The following BIRC5 variants were observed in gnomAD, a reference collection of about 807,000 sequenced individuals.
BIRC5 encodes the protein baculoviral IAP repeat-containing protein 5.
A neutral mutation model predicts 15.8 loss-of-function variants in BIRC5; 8 were observed. That is an observed-to-expected ratio of 0.51 (90% CI 0.30 to 0.91). BIRC5 has a LOEUF of 0.91. Among genes scored for constraint, BIRC5 ranks in the 40% least tolerant of loss-of-function variants. The pLI, the probability that BIRC5 is intolerant of heterozygous loss-of-function variation, is 0.07. For missense variants in BIRC5, 163 were observed against 178.6 expected, an observed-to-expected ratio of 0.91 and a Z score of 0.50; for synonymous variants, 56 against 64.5, an observed-to-expected ratio of 0.87 and a Z score of 0.63.
chr17:78,219,581 T>C (rs2076502152), intron 3 of BIRC5, among the ~76,000 whole-genome samples: 1 of 152,160 alleles, frequency 6.6e-6, no homozygotes, highest in Non-Finnish European at 1.5e-5. Context: ...GCTTGTCACC[T>C]GGTTGAGGTT....
intron 3 of BIRC5, among the ~76,000 whole-genome samples, chr17:78,221,625 G>A (rs905197017): frequency 1.3e-5 from 2 of 152,208 alleles, no homozygotes; most frequent in Middle Eastern, 3.4e-3. Context: ...GTGAGCCACC[G>A]CACCCGGCCT....
intron 2 of BIRC5, chr17:78,215,948 T>C (rs775156039): frequency 2.7e-5 from 29 of 1,066,146 alleles, no homozygotes; most frequent in African/African-American, 3.4e-5. Flanking sequence ...TGCCCTTCTC[T>C]GCCCTTAATC....
intron 3 of BIRC5, among the ~76,000 whole-genome samples, chr17:78,219,822 G>A (rs1468521907): frequency 6.6e-6 from 1 of 152,214 alleles, no homozygotes; most frequent in Non-Finnish European, 1.5e-5. Flanking sequence ...TATGGATTTG[G>A]CCCAGCAGGC....
intron 3 of BIRC5, chr17:78,222,881 C>T: frequency 6.5e-7 from 1 of 1,535,982 alleles, no homozygotes. Flanking sequence ...CAGGGAGGGA[C>T]TGGAAGCAAA....
intron 2 of BIRC5, chr17:78,215,840 A>C (rs2076473576): frequency 2.9e-6 from 3 of 1,019,282 alleles, no homozygotes; most frequent in South Asian, 3.6e-5. Flanking sequence ...ATTGTAATGC[A>C]GTTCTGGTAA....
rs1468701875 is a variant in BIRC5 at position 78,224,800 on chromosome 17, G to A, written c.*1246G>A. On this transcript the variant is annotated 3_prime_UTR_variant, in exon 4 of 4. Coordinates refer to ENST00000350051, the MANE Select transcript of BIRC5 (RefSeq NM_001168.3). ...CTGCCCAGACAGCCGCAGTGAGGATGAGCGTCCTGGCAGAGACGCAGTTGT... is the reference window on the plus strand; with the variant it reads ...CTGCCCAGACAGCCGCAGTGAGGATAAGCGTCCTGGCAGAGACGCAGTTGT... The A allele has an allele frequency of 6.6e-6, 1 of 152,222 alleles. No individual in the cohort carries two copies. The highest frequency in any genetic ancestry group is 1.5e-5 in the Non-Finnish European group (1 of 68,052). The allele number at this position is 152,222 out of a possible 1,614,324, so 9.4% of individuals were successfully genotyped here. A position where few individuals can be genotyped will look rare whatever the true frequency, so the allele number is the denominator to read the frequency against.
chr17:78,223,102 G>T (rs1187969272), intron 3 of BIRC5: 3 of 1,136,772 alleles, frequency 2.6e-6, no homozygotes, highest in Non-Finnish European at 3.6e-6. Flanking sequence ...ACTTTGAGTG[G>T]CTCCTTCAGC....
At chr17:78,218,389 G>T (rs1475348553) in intron 3 of BIRC5, among the ~76,000 whole-genome samples, 1 of 151,124 alleles carries the variant, frequency 6.6e-6, no homozygotes, top group South Asian at 2.1e-4. Context: ...TGCCTCCCGG[G>T]GTCAAGCGAT....
At chr17:78,216,321 A>G (rs550748287) in intron 2 of BIRC5, 1 of 182,982 alleles carries the variant, frequency 5.5e-6, no homozygotes, top group Admixed American at 5.7e-5. Context: ...AATTACTTCA[A>G]ACAGTTCCTT....
Position 78,214,291 on chromosome 17 carries a change from C to G in BIRC5, c.-26C>G, listed in dbSNP as rs753843703. 1.8e-5 allele frequency: 29 copies of G among 1,586,648 alleles called. No individual in the cohort carries two copies. The Admixed American group carries it at 3.3e-4, about 18-fold the overall frequency. Reference sequence around the variant, plus strand: ...AACCGCCAGATTTGAATCGCGGGACCCGTTGGCAGAGGTGGCGGCGGCGGC... The same window carrying G: ...AACCGCCAGATTTGAATCGCGGGACGCGTTGGCAGAGGTGGCGGCGGCGGC... On this transcript the variant is annotated 5_prime_UTR_variant, in exon 1 of 4. Transcript: ENST00000350051.
Position 78,223,877 on chromosome 17 carries a change from A to G in BIRC5, c.*323A>G, listed in dbSNP as rs1342268485. The G allele has an allele frequency of 6.5e-6, 3 of 458,674 alleles. No homozygotes were observed. Among genetic ancestry groups the G allele is most frequent in the Non-Finnish European group, 1.1e-5 (3 of 261,684 alleles). The allele number at this position is 458,674 out of a possible 1,614,324, so 28.4% of individuals were successfully genotyped here. ...GGAAGAAGGCAGTGTCCCTTTTGCT[A>G]GAGCTGACAGCTTTGTTCGCGTGGG... is the stretch of plus-strand genomic sequence containing the variant. On this transcript the variant is annotated 3_prime_UTR_variant, in exon 4 of 4. Coordinates refer to ENST00000350051, the MANE Select transcript of BIRC5 (RefSeq NM_001168.3).
At chr17:78,220,093 A>G (rs899728231) in intron 3 of BIRC5, among the ~76,000 whole-genome samples, 6 of 152,190 alleles carry the variant, frequency 3.9e-5, no homozygotes, top group African/African-American at 1.2e-4. Context: ...GCAGTCTGGT[A>G]GGGGGAGTCC....
intron 3 of BIRC5, chr17:78,222,841 T>A: frequency 6.5e-7 from 1 of 1,536,118 alleles, no homozygotes; most frequent in South Asian, 1.2e-5. Context: ...AGAGCTCTGT[T>A]AGCAGAATGA....
chr17:78,222,983 C>A, intron 3 of BIRC5: 1 of 1,492,034 alleles, frequency 6.7e-7, no homozygotes, highest in Non-Finnish European at 8.9e-7. Flanking sequence ...CCAGGAGTTT[C>A]AGGAGAAAGG....
chr17:78,217,958 ATTTATTTATTTATTT>A (rs2076491460), intron 3 of BIRC5, among the ~76,000 whole-genome samples: 1 of 150,616 alleles, frequency 6.6e-6, no homozygotes, highest in African/African-American at 2.4e-5. Context: ...TGCCCACCTT[ATTTATTTATTTATTT>A]ATTTATTTAT....
chr17:78,223,090 GTACTTTGA>G, intron 3 of BIRC5: 2 of 1,192,444 alleles, frequency 1.7e-6, no homozygotes, highest in Non-Finnish European at 2.2e-6. Context: ...GACTAGCTGG[GTACTTTGA>G]GTGGCTCCTT....
Position 78,225,561 on chromosome 17 carries a change from G to A in BIRC5, c.*2007G>A, listed in dbSNP as rs973415650. 2.0e-5 allele frequency: 3 copies of A among 152,200 alleles called. No individual in the cohort carries two copies. The highest frequency in any genetic ancestry group is 4.4e-5 in the Non-Finnish European group (3 of 68,036). 9.4% of individuals were successfully genotyped at this position (152,200 alleles called of 1,614,324 possible). A position where few individuals can be genotyped will look rare whatever the true frequency, so the allele number is the denominator to read the frequency against. On this transcript the variant is annotated 3_prime_UTR_variant, in exon 4 of 4. Coordinates refer to ENST00000350051, the MANE Select transcript of BIRC5 (RefSeq NM_001168.3). ...GAAGAGACCAGCAAGCCAAACTGGA[G>A]CCCCCATTGCAGGCTGTCGCCATGT...
intron 3 of BIRC5, among the ~76,000 whole-genome samples, chr17:78,219,808 G>C (rs775961479): frequency 5.9e-5 from 9 of 152,336 alleles, no homozygotes; most frequent in Non-Finnish European, 1.3e-4. Context: ...GCCATGACGG[G>C]CTGTATGGAT....
intron 3 of BIRC5, chr17:78,223,078 T>C (rs1379782327): frequency 2.2e-5 from 28 of 1,263,846 alleles, no homozygotes; most frequent in East Asian, 1.8e-4. Context: ...CTGGGGTGCC[T>C]AGACTAGCTG....
Sources: allele counts gnomAD v4.1 joint callset (sites outside exome capture counted in the v4.1 genomes callset), GRCh38; gene constraint gnomAD v4.1.1; transcripts MANE v1.5; gene names NCBI Gene and HGNC (gene_info 2026-07-23, HGNC 2026-07-21).